Variants in RASGRF2 observed in about 807,000 individuals in gnomAD.
RASGRF2 encodes the protein Ras protein specific guanine nucleotide releasing factor 2, also known as ras-specific guanine nucleotide-releasing factor 2.
Under a neutral mutation model 151.0 loss-of-function variants are expected in RASGRF2, and 76 were observed. The observed-to-expected ratio is 0.50, with a 90% confidence interval of 0.42 to 0.61. RASGRF2 has a LOEUF of 0.61. Among genes scored for constraint, RASGRF2 ranks in the 20% least tolerant of loss-of-function variants. The pLI is 0.00. For missense variants in RASGRF2, 1,148 were observed against 1,564.6 expected (o/e 0.73, Z 4.49); for synonymous variants, 504 against 566.5 (o/e 0.89, Z 1.57).
At chr5:81,186,571 C>G (rs190808508) in intron 18 of RASGRF2, among the ~76,000 whole-genome samples, 90 of 152,240 alleles carry the variant, frequency 5.9e-4, no homozygotes, top group African/African-American at 2.1e-3. Flanking sequence ...GACACACACA[C>G]GCGCACACAC....
At chr5:81,004,039 T>C (rs1749182763) in intron 1 of RASGRF2, among the ~76,000 whole-genome samples, 1 of 152,190 alleles carries the variant, frequency 6.6e-6, no homozygotes, top group African/African-American at 2.4e-5. Flanking sequence ...CCCTCCAGTT[T>C]AAAAATTTCC....
chr5:81,094,460 G>A, intron 11 of RASGRF2, 98 bp downstream of exon 11: 2 of 1,200,726 alleles, frequency 1.7e-6, no homozygotes, highest in Non-Finnish European at 2.4e-6. Flanking sequence ...ATGAAAAATT[G>A]AACCATTTAG....
intron 25 of RASGRF2, 39 bp downstream of exon 25, chr5:81,217,512 T>C (rs1296379220): frequency 6.7e-7 from 1 of 1,485,306 alleles, no homozygotes; most frequent in Non-Finnish European, 9.1e-7. Flanking sequence ...TCAATGGCTT[T>C]AGAGGTTTAT....
intron 1 of RASGRF2, among the ~76,000 whole-genome samples, chr5:80,996,296 T>G (rs1204175028): frequency 6.6e-6 from 1 of 151,974 alleles, no homozygotes; most frequent in East Asian, 1.9e-4. Flanking sequence ...ACCAGTTAAG[T>G]TATTTTGCTA....
At position 81,012,677 on chromosome 5, in the gene RASGRF2, G is replaced by A. The variant is rs146821738; in HGVS notation, c.289-30200G>A. 4.6e-5 allele frequency among the ~76,000 whole-genome samples: 7 copies of A among 152,172 alleles called. No individual in the cohort carries two copies. In the East Asian group the frequency reaches 7.7e-4, roughly 17 times the overall value. ...CTTCAGACTGAGGTGGGACAACTCCGACGCAGTTTTTACTATTCACCTCCA... is the reference window on the plus strand; with the variant it reads ...CTTCAGACTGAGGTGGGACAACTCCAACGCAGTTTTTACTATTCACCTCCA... On this transcript the variant is annotated intron_variant, in intron 1 of 26. Transcript: ENST00000265080.
chr5:80,975,200 A>T (rs1748075082), intron 1 of RASGRF2, among the ~76,000 whole-genome samples: 1 of 152,040 alleles, frequency 6.6e-6, no homozygotes, highest in African/African-American at 2.4e-5. Context: ...ACGCCTCTTT[A>T]TCGAAAAGCT....
At position 81,201,411 on chromosome 5, in the gene RASGRF2, C is replaced by G; in HGVS notation, c.2875C>G (p.Gln959Glu). 1.2e-6 allele frequency: 2 copies of G among 1,613,766 alleles called. No homozygotes were observed. Among genetic ancestry groups the G allele is most frequent in the Non-Finnish European group, 1.7e-6 (2 of 1,179,868 alleles). The change falls in exon 19 of 27, where the codon CAA becomes GAA. Residue 959 changes from glutamine (Q) to glutamate (E), a missense_variant. Around this residue, in one of 5 missense-constraint regions of RASGRF2, gnomAD observed 646 missense variants for 807.4 expected, o/e 0.80. Coordinates refer to ENST00000265080, the MANE Select transcript of RASGRF2 (RefSeq NM_006909.3). Reference protein sequence around the residue: ...EVLRDPDLLPQERKAAANILR... With the variant: ...EVLRDPDLLPEERKAAANILR... ...TTTGCGAGACCCAGACCTTCTTCCC[C>G]AAGAAAGGAAAGCCGCCGCGAATAT...
intron 17 of RASGRF2, among the ~76,000 whole-genome samples, chr5:81,166,598 G>A (rs947606147): frequency 4.6e-5 from 7 of 152,026 alleles, no homozygotes; most frequent in East Asian, 1.9e-4. Flanking sequence ...AGGGAGTGGC[G>A]GTGTTGAGGA....
At chr5:81,191,819 AGG>A (rs1019040848) in intron 18 of RASGRF2, among the ~76,000 whole-genome samples, 8 of 152,194 alleles carry the variant, frequency 5.3e-5, no homozygotes, top group African/African-American at 1.9e-4. Context: ...GTTCAGAACT[AGG>A]GGCTGAATTT....
At chr5:81,053,489 T>C (rs1470252265) in intron 2 of RASGRF2, among the ~76,000 whole-genome samples, 3 of 152,076 alleles carry the variant, frequency 2.0e-5, no homozygotes, top group Middle Eastern at 3.2e-3. Flanking sequence ...TATTCCATGG[T>C]GTATATGTGC....
At chr5:81,160,734 G>T (rs944486449) in intron 17 of RASGRF2, among the ~76,000 whole-genome samples, 1 of 141,470 alleles carries the variant, frequency 7.1e-6, no homozygotes, top group Non-Finnish European at 1.5e-5. Flanking sequence ...AACCAGGTAT[G>T]GTGGCATGTG....
chr5:81,198,338 C>T (rs1239845441), intron 18 of RASGRF2, among the ~76,000 whole-genome samples: 1 of 152,160 alleles, frequency 6.6e-6, no homozygotes, highest in Non-Finnish European at 1.5e-5. Context: ...GAAGATTTAG[C>T]TCCCACTTAT....
intron 17 of RASGRF2, among the ~76,000 whole-genome samples, chr5:81,133,637 A>G (rs927888149): frequency 6.6e-6 from 1 of 152,174 alleles, no homozygotes; most frequent in Non-Finnish European, 1.5e-5. Context: ...TTTTTATGAG[A>G]GTAGAAATCA....
At chr5:81,052,882 A>G (rs1442348524) in intron 2 of RASGRF2, among the ~76,000 whole-genome samples, 1 of 152,156 alleles carries the variant, frequency 6.6e-6, no homozygotes, top group African/African-American at 2.4e-5. Flanking sequence ...AGTTTTCTGG[A>G]TAAAATTTAG....
At chr5:81,197,656 T>C (rs1755297167) in intron 18 of RASGRF2, among the ~76,000 whole-genome samples, 1 of 152,192 alleles carries the variant, frequency 6.6e-6, no homozygotes, top group African/African-American at 2.4e-5. Flanking sequence ...TTTACCTGAT[T>C]CGTTGCAATT....
At chr5:81,211,927 C>A (rs1284803350) in intron 22 of RASGRF2, among the ~76,000 whole-genome samples, 1 of 152,018 alleles carries the variant, frequency 6.6e-6, no homozygotes, top group Non-Finnish European at 1.5e-5. Context: ...TTTTTTCTTT[C>A]TCTGTGATAA....
chr5:81,031,792 C>G (rs1750260383), intron 1 of RASGRF2, among the ~76,000 whole-genome samples: 1 of 152,018 alleles, frequency 6.6e-6, no homozygotes, highest in African/African-American at 2.4e-5. Flanking sequence ...CAAAAAATAA[C>G]TAAGATCAGA....
intron 1 of RASGRF2, among the ~76,000 whole-genome samples, chr5:81,015,458 A>T (rs966880673): frequency 6.8e-6 from 1 of 148,136 alleles, no homozygotes; most frequent in Non-Finnish European, 1.5e-5. Context: ...AGCTATTTAT[A>T]AAAAAAGTTG....
intron 1 of RASGRF2, among the ~76,000 whole-genome samples, chr5:80,977,751 C>T (rs1179799703): frequency 2.6e-5 from 4 of 152,218 alleles, no homozygotes; most frequent in Non-Finnish European, 5.9e-5. Flanking sequence ...GCCACTGCAC[C>T]TGGCCCAAAA....
Sources: gnomAD v4.1 joint callset for allele counts (sites outside exome capture counted in the v4.1 genomes callset) on GRCh38, gnomAD v4.1.1 for gene constraint, gnomAD v4.1.1 regional missense constraint, MANE v1.5 for transcripts, NCBI Gene and HGNC (gene_info 2026-07-23, HGNC 2026-07-21) for gene names.